PPP1R9A: variants seen among roughly 807,000 people sequenced by gnomAD.
PPP1R9A encodes neurabin-1.
PPP1R9A carries 59 observed loss-of-function variants against 141.9 expected under a neutral mutation model. That is an observed-to-expected ratio of 0.42 (90% CI 0.34 to 0.52). PPP1R9A has a LOEUF of 0.52. PPP1R9A is among the 20% of genes least tolerant of loss of function. PPP1R9A has a pLI of 0.10. For synonymous variants in PPP1R9A, 500 were observed against 569.7 expected (o/e 0.88, Z 1.74); for missense variants, 1,444 against 1,611.9 (o/e 0.90, Z 1.78).
At chr7:95,154,016 T>A (rs1829166052) in intron 4 of PPP1R9A, among the ~76,000 whole-genome samples, 1 of 152,116 alleles carries the variant, frequency 6.6e-6, no homozygotes, top group African/African-American at 2.4e-5. Flanking sequence ...CTGATTTTGT[T>A]TATTTTGATC....
chr7:95,086,971 C>T (rs1816713705), intron 2 of PPP1R9A, among the ~76,000 whole-genome samples: 1 of 150,996 alleles, frequency 6.6e-6, no homozygotes. Flanking sequence ...TCTCTCCAGC[C>T]CTGGAGTTTG....
At chr7:95,033,607 A>C (rs1237090817) in intron 2 of PPP1R9A, among the ~76,000 whole-genome samples, 1 of 151,706 alleles carries the variant, frequency 6.6e-6, no homozygotes, top group Admixed American at 6.6e-5. Context: ...GGTCATGAAG[A>C]TTTTTCTCCT....
intron 2 of PPP1R9A, among the ~76,000 whole-genome samples, chr7:94,968,595 A>G (rs570756244): frequency 1.3e-5 from 2 of 152,278 alleles, no homozygotes; most frequent in Admixed American, 6.5e-5. Context: ...GTCTTAGCAC[A>G]TAAGATCGGT....
intron 2 of PPP1R9A, among the ~76,000 whole-genome samples, chr7:95,095,689 C>T (rs1015020453): frequency 6.6e-6 from 1 of 152,142 alleles, no homozygotes; most frequent in African/African-American, 2.4e-5. Context: ...GGAGTCTTTC[C>T]TGCTTTTTCA....
intron 4 of PPP1R9A, among the ~76,000 whole-genome samples, chr7:95,122,427 G>T (rs1436424366): frequency 2.0e-5 from 3 of 152,154 alleles, no homozygotes; most frequent in Non-Finnish European, 4.4e-5. Context: ...GATTACGGGT[G>T]TGAGCCACCT....
rs534122448 is a variant in PPP1R9A at position 95,163,275 on chromosome 7, T to G, written c.1754+1304T>G. 3.3e-5 allele frequency among the ~76,000 whole-genome samples: 5 copies of G among 152,340 alleles called. No homozygotes were observed. The South Asian group carries it at 1.0e-3, about 32-fold the overall frequency. ...TAATCTTGTGTTATTATTTTCAGCC[T>G]TGTACAAATTTCAAAAGTCTTCAAA... On this transcript the variant is annotated intron_variant, in intron 5 of 19. Coordinates refer to ENST00000433360, the MANE Select transcript of PPP1R9A (RefSeq NM_001166160.2).
chr7:95,288,170 A>G (rs1219213300), intron 18 of PPP1R9A, among the ~76,000 whole-genome samples: 3 of 152,192 alleles, frequency 2.0e-5, no homozygotes, highest in Non-Finnish European at 2.9e-5. Context: ...CAAAATTCCA[A>G]TGTCTTATTA....
At chr7:95,167,617 T>C (rs1211128354) in intron 5 of PPP1R9A, among the ~76,000 whole-genome samples, 2 of 152,134 alleles carry the variant, frequency 1.3e-5, no homozygotes, top group Non-Finnish European at 2.9e-5. Context: ...GGTCCCTCTT[T>C]TCAGATGATG....
intron 12 of PPP1R9A, among the ~76,000 whole-genome samples, chr7:95,256,818 C>T (rs1321364177): frequency 1.3e-5 from 2 of 152,054 alleles, no homozygotes; most frequent in South Asian, 2.1e-4. Flanking sequence ...TTCCAACAAA[C>T]AAAATGTAAT....
chr7:94,950,972 T>C (rs1390375748), intron 2 of PPP1R9A, among the ~76,000 whole-genome samples: 1 of 152,170 alleles, frequency 6.6e-6, no homozygotes, highest in African/African-American at 2.4e-5. Context: ...GGTCTCGAAC[T>C]CTTGGGCTCA....
chr7:95,182,620 T>C (rs1437938818), intron 5 of PPP1R9A, among the ~76,000 whole-genome samples: 2 of 152,168 alleles, frequency 1.3e-5, no homozygotes, highest in East Asian at 1.9e-4. Context: ...AATAAAGTGT[T>C]ATATGCAGTG....
chr7:95,215,732 G>T (rs188521986), intron 7 of PPP1R9A, among the ~76,000 whole-genome samples: 50 of 152,292 alleles, frequency 3.3e-4, no homozygotes, highest in Middle Eastern at 3.4e-3. Flanking sequence ...GTGATGATGA[G>T]CATTTTTTCA....
chr7:95,247,598 G>A, intron 9 of PPP1R9A, 72 bp downstream of exon 9: 7 of 1,265,898 alleles, frequency 5.5e-6, no homozygotes, highest in East Asian at 2.4e-5. Context: ...CCAATCCTAG[G>A]ACTAAAGGTT....
chr7:95,120,689 C>T, intron 3 of PPP1R9A, 23 bp from the exon 4 acceptor site: 2 of 1,605,942 alleles, frequency 1.2e-6, no homozygotes, highest in Non-Finnish European at 1.7e-6. Context: ...GTTTCACCTC[C>T]CCCCTTTTTT....
intron 2 of PPP1R9A, among the ~76,000 whole-genome samples, chr7:94,951,485 TATATAG>T: frequency 6.6e-6 from 1 of 152,272 alleles, no homozygotes; most frequent in Middle Eastern, 3.4e-3. Flanking sequence ...AAAATACATC[TATATAG>T]ATATAATCAT....
rs534177154 is a variant in PPP1R9A, at chr7:94,955,656, G to A, written c.1395+44148G>A. 5.8e-4 allele frequency among the ~76,000 whole-genome samples: 88 copies of A among 152,182 alleles called. 1 individual carries two copies. The South Asian group carries it at 0.018, about 31-fold the overall frequency. On this transcript the variant is annotated intron_variant, in intron 2 of 19. Coordinates refer to ENST00000433360, the MANE Select transcript of PPP1R9A (RefSeq NM_001166160.2). ...TTGTCACAAATTTGTTATTTTGTAT[G>A]GTTTAGAAAATCAGTGCTTATTTGA...
intron 2 of PPP1R9A, among the ~76,000 whole-genome samples, chr7:95,031,870 T>C (rs1029647845): frequency 2.0e-5 from 3 of 152,184 alleles, no homozygotes; most frequent in Non-Finnish European, 4.4e-5. Context: ...CCTTAAATTA[T>C]TTCAACTAGA....
chr7:95,025,088 G>A (rs570718114), intron 2 of PPP1R9A, among the ~76,000 whole-genome samples: 1 of 147,548 alleles, frequency 6.8e-6, no homozygotes, highest in Non-Finnish European at 1.5e-5. Context: ...TTTTTTTTTT[G>A]AGATGGAGTC....
At chr7:94,951,128 T>A (rs964565296) in intron 2 of PPP1R9A, among the ~76,000 whole-genome samples, 12 of 152,158 alleles carry the variant, frequency 7.9e-5, no homozygotes, top group Non-Finnish European at 1.6e-4. Flanking sequence ...AAAATTTGCC[T>A]GCAGATTTCA....
Sources: allele counts gnomAD v4.1 joint callset (sites outside exome capture counted in the v4.1 genomes callset), GRCh38; gene constraint gnomAD v4.1.1; transcripts MANE v1.5; gene names NCBI Gene and HGNC (gene_info 2026-07-23, HGNC 2026-07-21).